NINL: variants seen among roughly 807,000 people sequenced by gnomAD.
The protein encoded by NINL is ninein-like protein.
NINL carries 153 observed loss-of-function variants against 160.3 expected under a neutral mutation model. The observed-to-expected ratio is 0.95, with a 90% confidence interval of 0.84 to 1.09. The LOEUF is 1.09. Ranked by LOEUF, NINL falls within the 50% of genes least tolerant of loss-of-function variation. NINL has a pLI of 0.00. For missense variants in NINL, 1,829 were observed against 1,764.0 expected (o/e 1.04, Z -0.66); for synonymous variants, 800 against 734.8 (o/e 1.09, Z -1.43).
intron 13 of NINL, among the ~76,000 whole-genome samples, chr20:25,484,125 C>T (rs1384952048): frequency 1.3e-5 from 2 of 152,326 alleles, no homozygotes; most frequent in East Asian, 1.9e-4. Context: ...ATGCAATATA[C>T]CCAGGTAACA....
At chr20:25,465,974 C>A (rs2062903932) in intron 19 of NINL, among the ~76,000 whole-genome samples, 2 of 152,028 alleles carry the variant, frequency 1.3e-5, no homozygotes, top group Non-Finnish European at 2.9e-5. Context: ...TAAGAGATGC[C>A]TGTTGAAATA....
At chr20:25,521,231 A>G (rs142010288) in intron 2 of NINL, among the ~76,000 whole-genome samples, 4 of 152,248 alleles carry the variant, frequency 2.6e-5, no homozygotes, top group African/African-American at 9.6e-5. Context: ...AAATGCTTCT[A>G]TTTAGTTTTA....
At position 25,526,451 on chromosome 20, in the gene NINL, G is replaced by A. The variant is rs2064362108; in HGVS notation, c.137C>T (p.Pro46Leu). The change falls in exon 2 of 24, where the codon CCC (proline) becomes CTC (leucine). Residue 46 changes from proline (P) to leucine (L), a missense_variant. Pro to Leu is a moderately conservative substitution (Grantham distance 98). Transcript: ENST00000278886. ...CLKLHLEQQLPVLLQTLLGND... is the reference protein window; with the variant it reads ...CLKLHLEQQLLVLLQTLLGND... ...TCCGAGAAGCGTCTGCAGGAGGACGGGCAGCTGCTGCTCCAGGTGAAGCTT... is the reference window on the plus strand; with the variant it reads ...TCCGAGAAGCGTCTGCAGGAGGACGAGCAGCTGCTGCTCCAGGTGAAGCTT... The A allele has an allele frequency of 6.2e-7, 1 of 1,613,826 alleles. No individual in the cohort carries two copies. Among genetic ancestry groups the A allele is most frequent in the African/African-American group, 1.3e-5 (1 of 74,924 alleles).
chr20:25,460,331 C>A (rs1480175245), intron 21 of NINL, among the ~76,000 whole-genome samples: 1 of 152,190 alleles, frequency 6.6e-6, no homozygotes, highest in Non-Finnish European at 1.5e-5. Context: ...TTTGGGGGAG[C>A]GTCTTCCTCT....
At chr20:25,566,088 C>T (rs762401881) in intron 1 of NINL, among the ~76,000 whole-genome samples, 1 of 152,238 alleles carries the variant, frequency 6.6e-6, no homozygotes, top group African/African-American at 2.4e-5. Context: ...TCCACAGTCA[C>T]ATGAGTCAGT....
At chr20:25,470,822 T>C (rs1448645235) in intron 17 of NINL, among the ~76,000 whole-genome samples, 2 of 152,172 alleles carry the variant, frequency 1.3e-5, no homozygotes, top group East Asian at 3.9e-4. Flanking sequence ...TAGTGAGACC[T>C]TGTCTGTGAA....
In NINL at chr20:25,519,989, C is replaced by CAAAAAAAAAAA. The variant is rs59160061; in HGVS notation, c.181-2151_181-2141dup. Among the ~76,000 whole-genome samples the CAAAAAAAAAAA allele has an allele frequency of 1.6e-4, 2 of 12,126 alleles. 1 individual carries two copies. Among genetic ancestry groups the CAAAAAAAAAAA allele is most frequent in the Non-Finnish European group, 4.1e-4 (2 of 4,834 alleles). 8.0% of individuals were successfully genotyped at this position (12,126 alleles called of 152,430 possible). Reference sequence around the variant, plus strand: ...TGGGTGACGAAGTGAGACCCCGTCTCAAAAAAAAAAAAAAAAAAAAAAAAA... The same window carrying CAAAAAAAAAAA: ...TGGGTGACGAAGTGAGACCCCGTCTCAAAAAAAAAAAAAAAAAAAAAAAAAAAAAAAAAAAA... On this transcript the variant is annotated intron_variant, in intron 2 of 23. Coordinates refer to ENST00000278886, the MANE Select transcript of NINL (RefSeq NM_025176.6).
chr20:25,545,482 C>CG (rs898837483), intron 1 of NINL, among the ~76,000 whole-genome samples: 1 of 151,942 alleles, frequency 6.6e-6, no homozygotes, highest in Non-Finnish European at 1.5e-5. Context: ...TGAGCCCCCC[C>CG]CCATTATCTG....
chr20:25,453,947 G>T (rs1388394654), intron 23 of NINL, among the ~76,000 whole-genome samples: 1 of 152,116 alleles, frequency 6.6e-6, no homozygotes, highest in African/African-American at 2.4e-5. Flanking sequence ...AGCTACCCGG[G>T]AGGCTGAGGC....
intron 10 of NINL, among the ~76,000 whole-genome samples, chr20:25,491,910 G>C (rs912128376): frequency 6.6e-6 from 1 of 152,232 alleles, no homozygotes; most frequent in Non-Finnish European, 1.5e-5. Flanking sequence ...CCCTCCCAAG[G>C]AGGGAGGCAG....
At chr20:25,503,205 C>G (rs1475829563) in intron 7 of NINL, among the ~76,000 whole-genome samples, 184 of 117,714 alleles carry the variant, frequency 1.6e-3, no homozygotes, top group South Asian at 2.7e-3. Context: ...GTAACCCCAG[C>G]AGGTGGGCAC....
intron 1 of NINL, among the ~76,000 whole-genome samples, chr20:25,550,522 T>G (rs1462114692): frequency 6.6e-6 from 1 of 152,050 alleles, no homozygotes; most frequent in Non-Finnish European, 1.5e-5. Flanking sequence ...CAGTATTTAT[T>G]GATCACTATC....
At chr20:25,468,016 C>T (rs1305424997) in intron 18 of NINL, among the ~76,000 whole-genome samples, 1 of 152,132 alleles carries the variant, frequency 6.6e-6, no homozygotes, top group Admixed American at 6.5e-5. Context: ...CATGGCAATT[C>T]CATCATTTCA....
At chr20:25,568,597 G>T (rs1415759977) in intron 1 of NINL, among the ~76,000 whole-genome samples, 1 of 151,602 alleles carries the variant, frequency 6.6e-6, no homozygotes, top group African/African-American at 2.4e-5. Context: ...TTTTTGTAGA[G>T]ACAGTGTCTC....
intron 1 of NINL, among the ~76,000 whole-genome samples, chr20:25,570,694 C>CTTTTTTTTT (rs57981279): frequency 3.3e-5 from 3 of 91,010 alleles, no homozygotes; most frequent in Admixed American, 1.7e-4. Flanking sequence ...GGCAAGTAGA[C>CTTTTTTTTT]TTTTTTTTTT....
At chr20:25,552,433 G>A (rs766788138) in intron 1 of NINL, among the ~76,000 whole-genome samples, 38 of 151,948 alleles carry the variant, frequency 2.5e-4, no homozygotes, top group Non-Finnish European at 4.1e-4. Context: ...AAAGAGCTGT[G>A]AAAGAAAAAA....
chr20:25,522,377 T>G (rs1426263706), intron 2 of NINL, among the ~76,000 whole-genome samples: 1 of 152,220 alleles, frequency 6.6e-6, no homozygotes, highest in Non-Finnish European at 1.5e-5. Context: ...TTCTTCCTTT[T>G]TTTAGGGCTG....
At chr20:25,482,154 C>T (rs1486052139) in intron 13 of NINL, 54 bp from the exon 14 acceptor site, 94 of 1,549,818 alleles carry the variant, frequency 6.1e-5, no homozygotes, top group Non-Finnish European at 7.9e-5. Flanking sequence ...TTCAGCCCAG[C>T]GAGCTGGCCG....
At chr20:25,582,276 A>G (rs1397355658) in intron 1 of NINL, among the ~76,000 whole-genome samples, 1 of 152,256 alleles carries the variant, frequency 6.6e-6, no homozygotes, top group Admixed American at 6.5e-5. Context: ...ACAAACAAAC[A>G]AAAAACAAAA....
Sources: gnomAD v4.1 joint callset for allele counts (sites outside exome capture counted in the v4.1 genomes callset) on GRCh38, gnomAD v4.1.1 for gene constraint, MANE v1.5 for transcripts, NCBI Gene and HGNC (gene_info 2026-07-23, HGNC 2026-07-21) for gene names.